Variants in KCNQ5 observed in about 807,000 individuals in gnomAD.
The protein encoded by KCNQ5 is potassium voltage-gated channel subfamily KQT member 5.
In KCNQ5, 30 loss-of-function variants were observed where a neutral mutation model predicts 98.2. That is an observed-to-expected ratio of 0.31 (90% CI 0.23 to 0.41). KCNQ5 has a LOEUF of 0.41. Among genes scored for constraint, KCNQ5 ranks in the 10% least tolerant of loss-of-function variants. KCNQ5 has a pLI of 1.00. For synonymous variants in KCNQ5, 458 were observed against 449.4 expected, an observed-to-expected ratio of 1.02 and a Z score of -0.24; for missense variants, 835 against 1,182.5, an observed-to-expected ratio of 0.71 and a Z score of 4.31.
intron 1 of KCNQ5, among the ~76,000 whole-genome samples, chr6:72,750,001 T>C (rs1214485325): frequency 1.3e-5 from 2 of 152,150 alleles, no homozygotes; most frequent in Non-Finnish European, 2.9e-5. Flanking sequence ...TAATTTTTAA[T>C]TGGAATGCAA....
chr6:72,996,405 C>A (rs1400545044), intron 1 of KCNQ5, among the ~76,000 whole-genome samples: 1 of 152,194 alleles, frequency 6.6e-6, no homozygotes, highest in Non-Finnish European at 1.5e-5. Context: ...AGAGAAATTT[C>A]TCACAGGATG....
intron 1 of KCNQ5, among the ~76,000 whole-genome samples, chr6:72,744,550 C>T (rs1257867294): frequency 6.6e-6 from 1 of 152,098 alleles, no homozygotes; most frequent in Non-Finnish European, 1.5e-5. Context: ...GTGGCTCATG[C>T]CTGTAATCCC....
Position 72,890,852 on chromosome 6 carries a change from A to G in KCNQ5, c.399-113056A>G, listed in dbSNP as rs1468153506. ...CACCAAACATCTGGCCCTTGTAAAGAGAACATGTAGCCCTCCCAAGGGAGT... is the reference window on the plus strand; with the variant it reads ...CACCAAACATCTGGCCCTTGTAAAGGGAACATGTAGCCCTCCCAAGGGAGT... On this transcript the variant is annotated intron_variant, in intron 1 of 13. Transcript: ENST00000370398. 2.6e-5 allele frequency among the ~76,000 whole-genome samples: 4 copies of G among 152,224 alleles called. No individual in the cohort carries two copies. The East Asian group carries it at 7.7e-4, about 29-fold the overall frequency.
At chr6:72,941,091 A>G (rs1766210933) in intron 1 of KCNQ5, among the ~76,000 whole-genome samples, 1 of 152,220 alleles carries the variant, frequency 6.6e-6, no homozygotes, top group Non-Finnish European at 1.5e-5. Flanking sequence ...CGAAATGTTT[A>G]TAAAGTACCT....
intron 1 of KCNQ5, among the ~76,000 whole-genome samples, chr6:72,939,742 C>T (rs1013122653): frequency 6.6e-6 from 1 of 152,200 alleles, no homozygotes; most frequent in Admixed American, 6.5e-5. Context: ...CAGAGAGTAT[C>T]TCTGGTATAG....
At chr6:72,931,247 T>A (rs1007713209) in intron 1 of KCNQ5, among the ~76,000 whole-genome samples, 3 of 152,210 alleles carry the variant, frequency 2.0e-5, no homozygotes. Context: ...AGTTTACTTT[T>A]TTATTACATC....
intron 10 of KCNQ5, among the ~76,000 whole-genome samples, chr6:73,168,700 A>G (rs1777896410): frequency 6.6e-6 from 1 of 151,830 alleles, no homozygotes; most frequent in Admixed American, 6.6e-5. Context: ...CGACAAAACA[A>G]GACTTTTTCT....
chr6:73,119,583 T>A (rs1359589284), intron 7 of KCNQ5, among the ~76,000 whole-genome samples: 1 of 152,228 alleles, frequency 6.6e-6, no homozygotes, highest in Non-Finnish European at 1.5e-5. Flanking sequence ...CCTGTTTTAG[T>A]TCTGCTTCTT....
intron 2 of KCNQ5, among the ~76,000 whole-genome samples, chr6:73,034,137 C>T (rs887770693): frequency 6.6e-6 from 1 of 152,110 alleles, no homozygotes; most frequent in South Asian, 2.1e-4. Context: ...TAGAATTTTC[C>T]AAATTACATA....
rs59726566 is a variant in KCNQ5 at position 72,746,064 on chromosome 6, C to CAAAAAAAAAAA, written c.398+123507_398+123517dup. Among the ~76,000 whole-genome samples the CAAAAAAAAAAA allele has an allele frequency of 1.9e-4, 15 of 80,148 alleles. 1 individual carries two copies. Among genetic ancestry groups the CAAAAAAAAAAA allele is most frequent in the African/African-American group, 5.2e-4 (15 of 28,640 alleles). 52.6% of individuals were successfully genotyped at this position (80,148 alleles called of 152,430 possible). ...ATTATATCCGCAAAGACTCTATTTG[C>CAAAAAAAAAAA]AAAAAAAAAAAAAAAAAAAAAAAAA... On this transcript the variant is annotated intron_variant, in intron 1 of 13. Coordinates refer to ENST00000370398, the MANE Select transcript of KCNQ5 (RefSeq NM_019842.4).
intron 1 of KCNQ5, among the ~76,000 whole-genome samples, chr6:72,740,670 G>T (rs932189464): frequency 6.6e-6 from 1 of 152,062 alleles, no homozygotes; most frequent in Non-Finnish European, 1.5e-5. Flanking sequence ...ATCATAGGGT[G>T]AATGAAGACT....
At chr6:73,192,887 C>T (rs75099229) in intron 13 of KCNQ5, among the ~76,000 whole-genome samples, 196 bp downstream of exon 13, 4,698 of 151,936 alleles carry the variant, frequency 0.031, 94 homozygotes, top group East Asian at 0.069. Context: ...AATAGAAAAT[C>T]TCATCTCATC....
At chr6:72,777,750 T>G (rs1773230594) in intron 1 of KCNQ5, among the ~76,000 whole-genome samples, 1 of 151,892 alleles carries the variant, frequency 6.6e-6, no homozygotes, top group African/African-American at 2.4e-5. Context: ...GCTTTTGTCT[T>G]TACTCCTAGG....
rs1018581953 is a variant in KCNQ5 at position 73,176,485 on chromosome 6, G to A, written c.1577+6631G>A. The stretch of plus-strand genomic sequence containing the variant: ...TTTTATTTATAAATTTTTCAGTCTC[G>A]GGTATTTCTTTACAGCAGTGCAAGA... On this transcript the variant is annotated intron_variant, in intron 11 of 13. Transcript: ENST00000370398. Among the ~76,000 whole-genome samples, 6 of 152,152 alleles carry A rather than the reference G, an allele frequency of 3.9e-5. No homozygotes were observed. In the South Asian group the frequency reaches 8.3e-4, roughly 21 times the overall value.
chr6:72,768,686 G>A (rs1772699089), intron 1 of KCNQ5, among the ~76,000 whole-genome samples: 1 of 151,952 alleles, frequency 6.6e-6, no homozygotes, highest in Non-Finnish European at 1.5e-5. Flanking sequence ...AGTGGCCCCA[G>A]TTATCATATC....
chr6:72,843,936 C>T (rs1334565208), intron 1 of KCNQ5, among the ~76,000 whole-genome samples: 1 of 152,080 alleles, frequency 6.6e-6, no homozygotes, highest in Admixed American at 6.6e-5. Flanking sequence ...TGCTCTCACT[C>T]GTATGTGGGA....
At chr6:73,097,544 C>T (rs1774566261) in intron 5 of KCNQ5, among the ~76,000 whole-genome samples, 1 of 152,104 alleles carries the variant, frequency 6.6e-6, no homozygotes, top group Non-Finnish European at 1.5e-5. Context: ...AATAAGGATG[C>T]CCACTTGAGC....
intron 11 of KCNQ5, among the ~76,000 whole-genome samples, chr6:73,174,276 C>T (rs774774049): frequency 6.6e-6 from 1 of 151,998 alleles, no homozygotes; most frequent in African/African-American, 2.4e-5. Flanking sequence ...TTTTCCTGTC[C>T]GTTTGTTTTA....
intron 1 of KCNQ5, among the ~76,000 whole-genome samples, chr6:72,930,770 A>G (rs552540045): frequency 6.6e-6 from 1 of 152,264 alleles, no homozygotes; most frequent in South Asian, 2.1e-4. Flanking sequence ...AAAACTTAAC[A>G]AATGTTCGCA....
Sources: gnomAD v4.1 joint callset for allele counts (sites outside exome capture counted in the v4.1 genomes callset) on GRCh38, gnomAD v4.1.1 for gene constraint, MANE v1.5 for transcripts, NCBI Gene and HGNC (gene_info 2026-07-23, HGNC 2026-07-21) for gene names.